The following PLG variants were observed in gnomAD, a reference collection of about 807,000 sequenced individuals.
PLG encodes the protein plasminogen, also known as plasmin.
In PLG, 41 loss-of-function variants were observed where a neutral mutation model predicts 104.4. That is an observed-to-expected ratio of 0.39 (90% CI 0.31 to 0.51). PLG has a LOEUF of 0.51. Ranked by LOEUF, PLG falls within the 20% of genes least tolerant of loss-of-function variation. PLG has a pLI of 0.76. For synonymous variants in PLG, 337 were observed against 357.1 expected, an observed-to-expected ratio of 0.94 and a Z score of 0.63; for missense variants, 891 against 1,003.6, an observed-to-expected ratio of 0.89 and a Z score of 1.52.
At chr6:160,708,121 TA>T (rs1777566020) in intron 3 of PLG, 1 of 265,086 alleles carries the variant, frequency 3.8e-6, no homozygotes, top group African/African-American at 2.3e-5. Flanking sequence ...ATGGGAAGTC[TA>T]AGCATTCCTT....
Position 160,748,350 on chromosome 6 carries a change from G to GAGAAAGAA in PLG, c.2126-3722_2126-3715dup, listed in dbSNP as rs71542985. ...AGAAGGAAAGAAGGAAGAAAAGAAA[G>GAGAAAGAA]AGAAAGAAAGAAAGAAAGAAAGAAA... On this transcript the variant is annotated intron_variant, in intron 17 of 18. Transcript: ENST00000308192. Among the ~76,000 whole-genome samples, 58 of 49,434 alleles carry GAGAAAGAA rather than the reference G, an allele frequency of 1.2e-3. 1 individual carries two copies. Among genetic ancestry groups the GAGAAAGAA allele is most frequent in the Non-Finnish European group, 1.6e-3 (39 of 24,628 alleles). 32.4% of individuals were successfully genotyped at this position (49,434 alleles called of 152,430 possible).
chr6:160,748,313 AGAAAGAAG>A (rs201202376), intron 17 of PLG, among the ~76,000 whole-genome samples: 3,167 of 145,846 alleles, frequency 0.022, 226 homozygotes, highest in African/African-American at 0.081. Flanking sequence ...TGAGAAAGAA[AGAAAGAAG>A]GAAAGAAGGA....
Position 160,719,236 on chromosome 6 carries a change from C to G in PLG, c.1096+398C>G, listed in dbSNP as rs779131164. Among the ~76,000 whole-genome samples the G allele has an allele frequency of 1.3e-5, 2 of 152,110 alleles. No homozygotes were observed. The highest frequency in any genetic ancestry group is 6.5e-5 in the Admixed American group (1 of 15,282). The stretch of plus-strand genomic sequence containing the variant: ...AGTCTATTTCTCTTTTAGATCGTAA[C>G]TCTTTTGTATATTTTGAAGCTCTTT... On this transcript the variant is annotated intron_variant, in intron 9 of 18. Transcript: ENST00000308192. This position sits in a 1 kb window ranked among gnomAD's most constrained non-coding sequence, Gnocchi z 4.1.
chr6:160,709,392 C>G (rs1777594323), intron 3 of PLG, among the ~76,000 whole-genome samples: 1 of 152,196 alleles, frequency 6.6e-6, no homozygotes, highest in South Asian at 2.1e-4. Context: ...TACACATGAT[C>G]TCTAAGAAAT....
In PLG at chr6:160,753,457, A is replaced by C. The variant is rs1778442208; in HGVS notation, c.*396A>C. ...GGGAGAGCCAAGAAGTTGTCCACGCATTTACCTCATCAGCTAACGAGGGCT... is the reference window on the plus strand; with the variant it reads ...GGGAGAGCCAAGAAGTTGTCCACGCCTTTACCTCATCAGCTAACGAGGGCT... On this transcript the variant is annotated 3_prime_UTR_variant, in exon 19 of 19. Transcript: ENST00000308192. This position sits in a 1 kb window ranked among gnomAD's most constrained non-coding sequence, Gnocchi z 5.4. 1 of 338,794 alleles carries C rather than the reference A, an allele frequency of 3.0e-6. No individual in the cohort carries two copies. Among genetic ancestry groups the C allele is most frequent in the Admixed American group, 4.3e-5 (1 of 23,064 alleles). 21.0% of individuals were successfully genotyped at this position (338,794 alleles called of 1,614,324 possible).
At chr6:160,727,609 G>T (rs1345108206) in intron 10 of PLG, among the ~76,000 whole-genome samples, 3 of 151,950 alleles carry the variant, frequency 2.0e-5, no homozygotes, top group Non-Finnish European at 4.4e-5. Context: ...CTTCAAGAAT[G>T]CAAGGCTGGC....
chr6:160,743,749 G>A (rs1778233732), intron 17 of PLG, among the ~76,000 whole-genome samples: 1 of 152,148 alleles, frequency 6.6e-6, no homozygotes, highest in Admixed American at 6.6e-5. Flanking sequence ...GTTTTCAAGG[G>A]GAATGCTTCC....
intron 5 of PLG, among the ~76,000 whole-genome samples, chr6:160,714,274 G>A (rs1777694438): frequency 6.6e-6 from 1 of 152,206 alleles, no homozygotes; most frequent in South Asian, 2.1e-4. Flanking sequence ...CACTTCAGGT[G>A]AATATTGTTC....
chr6:160,739,084 T>C lies in PLG; in HGVS notation c.1894T>C (p.Ser632Pro). The change falls in exon 16 of 19, where the codon TCC (serine) becomes CCC (proline). Residue 632 changes from serine to proline, a missense_variant. Around this residue, in one of 2 missense-constraint regions of PLG, gnomAD observed 854 missense variants for 932.1 expected, o/e 0.92. Transcript: ENST00000308192. This position sits in a 1 kb window ranked among gnomAD's most constrained non-coding sequence, Gnocchi z 4.4. The stretch of plus-strand genomic sequence containing the variant: ...CTTTTCTAGGTCCCCAAGGCCTTCA[T>C]CCTACAAGGTCATCCTGGGTGCACA... The part of the protein sequence containing the change: ...HCLEKSPRPS[S>P]YKVILGAHQE... 6.2e-7 allele frequency: 1 copy of C among 1,614,060 alleles called. No homozygotes were observed. Among genetic ancestry groups the C allele is most frequent in the Non-Finnish European group, 8.5e-7 (1 of 1,179,960 alleles).
intron 7 of PLG, among the ~76,000 whole-genome samples, chr6:160,717,306 G>T (rs1189814936): frequency 6.6e-6 from 1 of 152,156 alleles, no homozygotes; most frequent in Non-Finnish European, 1.5e-5. Flanking sequence ...TCCTCTCTGA[G>T]AATTTGAAGC....
chr6:160,716,490 T>C (rs1777733364), intron 6 of PLG, among the ~76,000 whole-genome samples, 155 bp from the exon 7 acceptor site: 1 of 152,200 alleles, frequency 6.6e-6, no homozygotes, highest in Non-Finnish European at 1.5e-5. Context: ...CCTTGTTTCC[T>C]TGTTGCCATC....
At chr6:160,708,578 C>G (rs571624177) in intron 3 of PLG, 2 of 152,254 alleles carry the variant, frequency 1.3e-5, no homozygotes, top group East Asian at 3.9e-4. Flanking sequence ...AAACTGTTTC[C>G]TCTACTGTGT....
rs371168115 is a variant in PLG at position 160,739,798 on chromosome 6, A to C, written c.2018+590A>C. On this transcript the variant is annotated intron_variant, in intron 16 of 18. Coordinates refer to ENST00000308192, the MANE Select transcript of PLG (RefSeq NM_000301.5). The surrounding 1 kb of genome is among the most constrained non-coding windows in gnomAD (Gnocchi z 4.4). ...ACCAAAAAAACAAAAAACAAACAAAAAAAAAACAACTTCACAATGTCAAAA... is the reference window on the plus strand; with the variant it reads ...ACCAAAAAAACAAAAAACAAACAAACAAAAAACAACTTCACAATGTCAAAA... Among the ~76,000 whole-genome samples, 8 of 151,858 alleles carry C rather than the reference A, an allele frequency of 5.3e-5. No homozygotes were observed. In the East Asian group the frequency reaches 1.2e-3, roughly 22 times the overall value.
Position 160,753,098 on chromosome 6 carries a change from G to C in PLG, c.*37G>C, listed in dbSNP as rs1275452296. ...ACAGAGTGACGCACTGACTCACCTA[G>C]AGGCTGGAACGTGGGTAGGGATTTA... On this transcript the variant is annotated 3_prime_UTR_variant, in exon 19 of 19. Coordinates refer to ENST00000308192, the MANE Select transcript of PLG (RefSeq NM_000301.5). The surrounding 1 kb of genome is among the most constrained non-coding windows in gnomAD (Gnocchi z 5.4). 1.3e-5 allele frequency: 17 copies of C among 1,340,846 alleles called. No homozygotes were observed. The highest frequency in any genetic ancestry group is 2.4e-5 in the East Asian group (1 of 41,078). The allele number at this position is 1,340,846 out of a possible 1,614,324, so 83.1% of individuals were successfully genotyped here.
chr6:160,710,774 T>C (rs1331020601), intron 3 of PLG, among the ~76,000 whole-genome samples: 1 of 152,186 alleles, frequency 6.6e-6, no homozygotes, highest in Non-Finnish European at 1.5e-5. Context: ...GTAACCCCCC[T>C]GCCTGATTCC....
At chr6:160,709,426 T>C (rs534563436) in intron 3 of PLG, among the ~76,000 whole-genome samples, 1 of 152,282 alleles carries the variant, frequency 6.6e-6, no homozygotes, top group African/African-American at 2.4e-5. Context: ...TTAAAGCCCT[T>C]CCTAGTGCCC....
chr6:160,730,485 T>G (rs1777982869), intron 10 of PLG, among the ~76,000 whole-genome samples: 2 of 152,254 alleles, frequency 1.3e-5, no homozygotes, highest in South Asian at 4.1e-4. Context: ...ACACTATTTT[T>G]CGTGGTTGTT....
In PLG at chr6:160,739,151, T is replaced by G; in HGVS notation, c.1961T>G (p.Val654Gly). The change falls in exon 16 of 19, where the codon GTG becomes GGG. Residue 654 changes from valine to glycine, a missense_variant. Physicochemically the swap from Val to Gly is moderately radical, Grantham distance 109. Around this residue, in one of 2 missense-constraint regions of PLG, gnomAD observed 854 missense variants for 932.1 expected, o/e 0.92. Coordinates refer to ENST00000308192, the MANE Select transcript of PLG (RefSeq NM_000301.5). This position sits in a 1 kb window ranked among gnomAD's most constrained non-coding sequence, Gnocchi z 4.4. ...GAACCGCATGTTCAGGAAATAGAAGTGTCTAGGCTGTTCTTGGAGCCCACA... is the reference window on the plus strand; with the variant it reads ...GAACCGCATGTTCAGGAAATAGAAGGGTCTAGGCTGTTCTTGGAGCCCACA... ...NLEPHVQEIE[V>G]SRLFLEPTRK... 2 of 1,614,066 alleles carry G rather than the reference T, an allele frequency of 1.2e-6. No homozygotes were observed. Among genetic ancestry groups the G allele is most frequent in the Non-Finnish European group, 8.5e-7 (1 of 1,180,000 alleles).
Position 160,744,215 on chromosome 6 carries a change from A to G in PLG, c.2125+2798A>G, listed in dbSNP as rs1463770570. ...GAGACCCTCCTCCTCAGTTTTTTTGAACGGTTTCAGTAGGAATGGTCATAG... is the reference window on the plus strand; with the variant it reads ...GAGACCCTCCTCCTCAGTTTTTTTGGACGGTTTCAGTAGGAATGGTCATAG... On this transcript the variant is annotated intron_variant, in intron 17 of 18. Transcript: ENST00000308192. The surrounding 1 kb of genome is among the most constrained non-coding windows in gnomAD (Gnocchi z 4.5). 1.3e-5 allele frequency among the ~76,000 whole-genome samples: 2 copies of G among 152,278 alleles called. No homozygotes were observed. The highest frequency in any genetic ancestry group is 3.9e-4 in the East Asian group (2 of 5,184).
Sources: gnomAD v4.1 joint callset for allele counts (sites outside exome capture counted in the v4.1 genomes callset) on GRCh38, gnomAD v4.1.1 for gene constraint, gnomAD v4.1.1 regional missense constraint, Gnocchi (gnomAD v3.1) non-coding constraint, MANE v1.5 for transcripts, NCBI Gene and HGNC (gene_info 2026-07-23, HGNC 2026-07-21) for gene names.